Variants in ASRGL1 observed in about 807,000 individuals in gnomAD.
ASRGL1 encodes isoaspartyl peptidase/L-asparaginase.
ASRGL1 carries 16 observed loss-of-function variants against 22.4 expected under a neutral mutation model. The ratio of observed to expected loss-of-function variants is 0.71; its 90% confidence interval spans 0.48 to 1.08. The LOEUF (loss-of-function observed/expected upper bound fraction) is 1.08. ASRGL1 is among the 50% of genes least tolerant of loss of function. The probability of loss-of-function intolerance (pLI) is 0.00; values close to 1 mark genes in which losing one functional copy is unlikely to be tolerated. For synonymous variants in ASRGL1, 165 were observed against 159.3 expected, an observed-to-expected ratio of 1.04 and a Z score of -0.27; for missense variants, 412 against 410.1, an observed-to-expected ratio of 1.00 and a Z score of -0.04.
At position 62,392,140 on chromosome 11, in the gene ASRGL1, T is replaced by C; in HGVS notation, c.783T>C (p.Gly261=). 1 of 1,614,132 alleles carries C rather than the reference T, an allele frequency of 6.2e-7. No individual in the cohort carries two copies. The change falls in exon 7 of 7, where the codon GGT becomes GGC. Residue 261 remains glycine (G), a synonymous_variant. Transcript: ENST00000415229. ...GTTATATGAAGTCAAGGGTTAAAGG[T>C]TTAGGTGGCCTCATCGTGGTTAGCA... The part of the protein sequence containing the change: ...SLGYMKSRVK[G]LGGLIVVSKT...
At position 62,364,153 on chromosome 11, in the gene ASRGL1, C is replaced by T. The variant is rs376628731; in HGVS notation, c.491+7009C>T. Among the ~76,000 whole-genome samples, 581 of 69,228 alleles carry T rather than the reference C, an allele frequency of 8.4e-3. 1 individual carries two copies. The highest frequency in any genetic ancestry group is 0.024 in the African/African-American group (471 of 20,012). 45.4% of individuals were successfully genotyped at this position (69,228 alleles called of 152,430 possible). ...CAGCCTGGGTGACAGGGTAAGAGTC[C>T]GTCTCAAAAAAAAAAAAAAAAAAAA... On this transcript the variant is annotated intron_variant, in intron 4 of 6. Coordinates refer to ENST00000415229, the MANE Select transcript of ASRGL1 (RefSeq NM_001083926.2).
chr11:62,389,188 G>T lies in ASRGL1; in HGVS notation c.547G>T (p.Ala183Ser), dbSNP rs141874270. The T allele has an allele frequency of 1.2e-6, 2 of 1,614,120 alleles. No individual in the cohort carries two copies. Residue 183 changes from alanine to serine, a missense_variant, in exon 5 of 7, where the codon GCA (alanine) becomes TCA (serine). Coordinates refer to ENST00000415229, the MANE Select transcript of ASRGL1 (RefSeq NM_001083926.2). ...GGACTGCAAAGGGAATGTAGCCTAC[G>T]CAACCTCCACAGGCGGTATCGTTAA... ...ALDCKGNVAY[A>S]TSTGGIVNKM...
intron 2 of ASRGL1, among the ~76,000 whole-genome samples, chr11:62,346,161 C>T (rs146247568): frequency 1.9e-3 from 284 of 152,230 alleles, no homozygotes; most frequent in African/African-American, 6.3e-3. Context: ...CTTCTACTTC[C>T]GACCAACCAG....
At chr11:62,340,461 C>G (rs1189133903) in intron 2 of ASRGL1, among the ~76,000 whole-genome samples, 1 of 152,210 alleles carries the variant, frequency 6.6e-6, no homozygotes, top group Admixed American at 6.5e-5. Context: ...CTGTCAAACC[C>G]TCACTTATTT....
intron 4 of ASRGL1, among the ~76,000 whole-genome samples, chr11:62,363,688 C>T (rs1382251842): frequency 6.6e-6 from 1 of 152,166 alleles, no homozygotes; most frequent in African/African-American, 2.4e-5. Flanking sequence ...AATCAGTATT[C>T]ATTTCTAAAT....
At chr11:62,387,978 C>T (rs1219899650) in intron 4 of ASRGL1, among the ~76,000 whole-genome samples, 1 of 152,150 alleles carries the variant, frequency 6.6e-6, no homozygotes, top group African/African-American at 2.4e-5. Flanking sequence ...CATAGTTGGG[C>T]AATTTCATGG....
chr11:62,355,890 C>G (rs562905889), intron 2 of ASRGL1, among the ~76,000 whole-genome samples: 6 of 151,872 alleles, frequency 4.0e-5, no homozygotes, highest in Non-Finnish European at 7.4e-5. Context: ...TTAATCCATT[C>G]AACCCTGAGT....
intron 2 of ASRGL1, among the ~76,000 whole-genome samples, chr11:62,345,778 G>A (rs1946002962): frequency 1.3e-5 from 2 of 152,166 alleles, no homozygotes. Context: ...TTGGCACCAG[G>A]GACCAGTTTC....
At chr11:62,365,424 G>A (rs1946587019) in intron 4 of ASRGL1, among the ~76,000 whole-genome samples, 1 of 151,644 alleles carries the variant, frequency 6.6e-6, no homozygotes, top group Admixed American at 6.6e-5. Flanking sequence ...CATGGTGGTG[G>A]GCGCCTGTAA....
intron 2 of ASRGL1, among the ~76,000 whole-genome samples, chr11:62,348,696 C>T (rs1946094297): frequency 6.9e-6 from 1 of 145,494 alleles, no homozygotes; most frequent in Non-Finnish European, 1.5e-5. Flanking sequence ...GAGCGAGACT[C>T]CTCCTCAAAG....
intron 4 of ASRGL1, chr11:62,371,186 A>G: frequency 8.0e-7 from 1 of 1,243,988 alleles, no homozygotes; most frequent in Non-Finnish European, 1.1e-6. Flanking sequence ...AGCTCGGGCA[A>G]CGGCACTGCC....
intron 4 of ASRGL1, chr11:62,371,893 G>C (rs1946777346): frequency 1.8e-6 from 1 of 558,730 alleles, no homozygotes; most frequent in African/African-American, 1.9e-5. Flanking sequence ...GGCGGAGCTT[G>C]CAGTGGGCCG....
chr11:62,387,046 C>T (rs1379958612), intron 4 of ASRGL1, among the ~76,000 whole-genome samples: 2 of 144,008 alleles, frequency 1.4e-5, no homozygotes, highest in Non-Finnish European at 3.0e-5. Context: ...ACACACGCCA[C>T]CACACTTAGC....
chr11:62,353,593 C>T (rs1946214911), intron 2 of ASRGL1, among the ~76,000 whole-genome samples: 1 of 152,046 alleles, frequency 6.6e-6, no homozygotes, highest in African/African-American at 2.4e-5. Context: ...GCCTCAGCCT[C>T]CCAAAGTGCT....
chr11:62,338,641 A>G (rs1945785764), intron 2 of ASRGL1, among the ~76,000 whole-genome samples: 1 of 152,192 alleles, frequency 6.6e-6, no homozygotes, highest in South Asian at 2.1e-4. Context: ...TGCAGATAGA[A>G]TTAATAGAAG....
intron 4 of ASRGL1, among the ~76,000 whole-genome samples, chr11:62,364,009 AT>A (rs1477089119): frequency 6.6e-6 from 1 of 151,804 alleles, no homozygotes; most frequent in Non-Finnish European, 1.5e-5. Context: ...AATACAAAAA[AT>A]CAGCCAGGCG....
intron 2 of ASRGL1, 126 bp downstream of exon 2, chr11:62,338,293 AAAC>A: frequency 2.9e-6 from 3 of 1,041,526 alleles, no homozygotes; most frequent in Non-Finnish European, 3.9e-6. Context: ...TGTAAAAAAG[AAAC>A]AATATTTAAT....
intron 4 of ASRGL1, among the ~76,000 whole-genome samples, chr11:62,376,652 C>T (rs891861300): frequency 5.9e-5 from 9 of 152,026 alleles, no homozygotes; most frequent in Non-Finnish European, 1.3e-4. Context: ...TTACTGTCTC[C>T]CCCTTCGTTT....
intron 4 of ASRGL1, among the ~76,000 whole-genome samples, chr11:62,367,331 C>G (rs11231055): frequency 0.28 from 40,836 of 145,264 alleles, 5,674 homozygotes; most frequent in South Asian, 0.37. Flanking sequence ...GAGTGAAACT[C>G]TGTCTCAAAA....
Sources: allele counts gnomAD v4.1 joint callset (sites outside exome capture counted in the v4.1 genomes callset), GRCh38; gene constraint gnomAD v4.1.1; transcripts MANE v1.5; gene names NCBI Gene and HGNC (gene_info 2026-07-23, HGNC 2026-07-21).